Variants in CAPRIN2 observed in about 807,000 individuals in gnomAD.
CAPRIN2 encodes the protein caprin-2.
Under a neutral mutation model 130.4 loss-of-function variants are expected in CAPRIN2, and 66 were observed. The observed-to-expected ratio is 0.51, with a 90% CI of 0.42 to 0.62. CAPRIN2 has a LOEUF of 0.62. Ranked by LOEUF, CAPRIN2 falls within the 20% of genes least tolerant of loss-of-function variation. CAPRIN2 has a pLI of 0.00. For missense variants in CAPRIN2, 1,185 were observed against 1,246.6 expected (o/e 0.95, Z 0.74); for synonymous variants, 471 against 444.1 (o/e 1.06, Z -0.76).
chr12:30,744,728 C>T (rs945890864), intron 2 of CAPRIN2, among the ~76,000 whole-genome samples: 3 of 152,128 alleles, frequency 2.0e-5, no homozygotes, highest in African/African-American at 7.2e-5. Flanking sequence ...TGCTTATTCC[C>T]CACTCTCTTC....
intron 12 of CAPRIN2, chr12:30,720,155 A>G (rs2058945739): frequency 6.6e-6 from 1 of 152,158 alleles, no homozygotes; most frequent in Non-Finnish European, 1.5e-5. Context: ...CAGTGGCACA[A>G]TCTCTGCAAC....
In CAPRIN2 at chr12:30,753,453, AG is replaced by A; in HGVS notation, c.310del (p.Leu104CysfsTer5). The A allele has an allele frequency of 6.2e-7, 1 of 1,614,174 alleles. No homozygotes were observed. Among genetic ancestry groups the A allele is most frequent in the Non-Finnish European group, 8.5e-7 (1 of 1,180,040 alleles). On this transcript the variant is annotated frameshift_variant, in exon 1 of 17. Coordinates refer to ENST00000298892, the Ensembl canonical transcript of CAPRIN2. LOFTEE classifies it high-confidence loss of function. ...TGCAGCAGAACTCAGAGTAGACTGC[AG>A]GGGGCTCAAGGCCCGCTGGCTTTCC...
In CAPRIN2 at chr12:30,729,127, G is replaced by A. The variant is rs1044602713; in HGVS notation, c.1303C>T (p.Pro435Ser). 1.9e-6 allele frequency: 3 copies of A among 1,613,860 alleles called. No homozygotes were observed. Among genetic ancestry groups the A allele is most frequent in the African/African-American group, 2.7e-5 (2 of 74,868 alleles). ...TTCCTCTGTTCTAAGGAAACTGCAG[G>A]CTTGGATACCTCCTGGTGCTTACCA... is the stretch of plus-strand genomic sequence containing the variant. Residue 435 changes from proline (P) to serine (S), a missense_variant, in exon 8 of 17, where the codon CCT becomes TCT. Around this residue, in one of 2 missense-constraint regions of CAPRIN2, gnomAD observed 1,104 missense variants for 1,104.3 expected, o/e 1.00. Transcript: ENST00000298892.
At chr12:30,742,170 T>C (rs1275201628) in intron 2 of CAPRIN2, among the ~76,000 whole-genome samples, 1 of 152,162 alleles carries the variant, frequency 6.6e-6, no homozygotes. Context: ...ACCAGTTCGA[T>C]AACTCTACAA....
At chr12:30,730,714 A>C (rs1040518058) in intron 6 of CAPRIN2, among the ~76,000 whole-genome samples, 2 of 152,186 alleles carry the variant, frequency 1.3e-5, no homozygotes, top group African/African-American at 4.8e-5. Context: ...GGAGATACTT[A>C]AGCACTGCAC....
chr12:30,733,635 T>C (rs1265613015), exon 5 of CAPRIN2: 5 of 1,610,786 alleles, frequency 3.1e-6, no homozygotes, highest in Non-Finnish European at 4.2e-6. Flanking sequence ...TCACATGTCG[T>C]TCCTACCACT....
chr12:30,713,675 C>T, intron 15 of CAPRIN2, 110 bp downstream of exon 17: 1 of 623,282 alleles, frequency 1.6e-6, no homozygotes, highest in South Asian at 2.5e-5. Flanking sequence ...AGTTTTAAAA[C>T]TAAGAGTGCA....
At chr12:30,741,090 T>C in exon 3 of CAPRIN2, 3 of 1,607,656 alleles carry the variant, frequency 1.9e-6, no homozygotes, top group Non-Finnish European at 2.6e-6. Context: ...CACTTCTTCA[T>C]ATTTCTCTAC....
intron 2 of CAPRIN2, among the ~76,000 whole-genome samples, chr12:30,748,040 A>C (rs1379650078): frequency 1.3e-5 from 2 of 152,238 alleles, no homozygotes; most frequent in African/African-American, 4.8e-5. Flanking sequence ...GCTTCTTATG[A>C]ATGAGCAAAG....
Position 30,753,411 on chromosome 12 carries a change from T to TA in CAPRIN2, c.352dup (p.Tyr118LeufsTer2). Reference sequence around the variant, plus strand: ...GAGTCCATTTTCAATATAGGTCTCATACGCTTGGGAAGGAGATGCAGCAGA... The same window carrying TA: ...GAGTCCATTTTCAATATAGGTCTCATAACGCTTGGGAAGGAGATGCAGCAGA... On this transcript the variant is annotated frameshift_variant, in exon 1 of 17. Transcript: ENST00000298892. LOFTEE classifies it high-confidence loss of function. 6.2e-7 allele frequency: 1 copy of TA among 1,614,032 alleles called. No individual in the cohort carries two copies. The highest frequency in any genetic ancestry group is 8.5e-7 in the Non-Finnish European group (1 of 1,180,020).
At chr12:30,712,733 CTTTTTTT>C (rs754373140) in intron 15 of CAPRIN2, among the ~76,000 whole-genome samples, 1 of 107,290 alleles carries the variant, frequency 9.3e-6, no homozygotes, top group Admixed American at 1.3e-4. Context: ...GTTTTCCACT[CTTTTTTT>C]TTTTTTTTTT....
chr12:30,750,970 T>C (rs1482293272), intron 2 of CAPRIN2, 101 bp downstream of exon 3: 4 of 668,408 alleles, frequency 6.0e-6, no homozygotes, highest in Middle Eastern at 2.8e-4. Flanking sequence ...GGATTTTAAC[T>C]GTGTGTGTGT....
chr12:30,744,266 C>T (rs2068833451), intron 2 of CAPRIN2, among the ~76,000 whole-genome samples: 2 of 152,198 alleles, frequency 1.3e-5, no homozygotes, highest in African/African-American at 4.8e-5. Flanking sequence ...AATTTCCTTA[C>T]ATCCATACAC....
intron 2 of CAPRIN2, among the ~76,000 whole-genome samples, chr12:30,747,425 C>G (rs907582758): frequency 6.6e-6 from 1 of 152,144 alleles, no homozygotes; most frequent in Non-Finnish European, 1.5e-5. Context: ...CACCTGTAAT[C>G]CCAGCACTTT....
rs2053956624 is a variant in CAPRIN2, at chr12:30,710,517, T to C, written c.2666-47A>G. On this transcript the variant is annotated intron_variant, in intron 16 of 16. Transcript: ENST00000298892. The surrounding 1 kb of genome is among the most constrained non-coding windows in gnomAD (Gnocchi z 4.8). ...GTTTCTCATAATGAAGCAGTTAGCT[T>C]TGAACACAATATTTAACATTAGTCG... is the stretch of plus-strand genomic sequence containing the variant. 1.9e-6 allele frequency: 3 copies of C among 1,609,482 alleles called. No individual in the cohort carries two copies. The highest frequency in any genetic ancestry group is 1.7e-5 in the Admixed American group (1 of 59,814).
At chr12:30,749,525 C>A (rs1231838790) in intron 2 of CAPRIN2, among the ~76,000 whole-genome samples, 4 of 152,168 alleles carry the variant, frequency 2.6e-5, no homozygotes, top group Admixed American at 2.6e-4. Context: ...CAGAAATGGT[C>A]AGTTTCCTCA....
intron 13 of CAPRIN2, 77 bp from the exon 16 acceptor site, chr12:30,715,218 A>G: frequency 8.7e-7 from 1 of 1,154,628 alleles, no homozygotes; most frequent in Non-Finnish European, 1.3e-6. Context: ...ATATATATCA[A>G]AATCATTAAT....
intron 12 of CAPRIN2, chr12:30,719,571 A>G: frequency 5.7e-6 from 1 of 175,046 alleles, no homozygotes; most frequent in Non-Finnish European, 1.2e-5. Context: ...TCAGAATTGG[A>G]TTTAAGAAAA....
At chr12:30,713,428 G>A (rs2056074031) in intron 15 of CAPRIN2, among the ~76,000 whole-genome samples, 2 of 152,180 alleles carry the variant, frequency 1.3e-5, no homozygotes, top group South Asian at 4.1e-4. Context: ...TCTGGAGTAA[G>A]AAAGTCACAT....
Sources: gnomAD v4.1 joint callset for allele counts (sites outside exome capture counted in the v4.1 genomes callset) on GRCh38, gnomAD v4.1.1 for gene constraint, gnomAD v4.1.1 regional missense constraint, Gnocchi (gnomAD v3.1) non-coding constraint, MANE v1.5 for transcripts, NCBI Gene and HGNC (gene_info 2026-07-23, HGNC 2026-07-21) for gene names.